KDM4C: variants seen among roughly 807,000 people sequenced by gnomAD.
KDM4C encodes the protein lysine-specific demethylase 4C.
KDM4C carries 81 observed loss-of-function variants against 129.3 expected under a neutral mutation model. The ratio of observed to expected loss-of-function variants is 0.63; its 90% CI spans 0.52 to 0.75. The LOEUF (loss-of-function observed/expected upper bound fraction) is 0.75. Ranked by LOEUF, KDM4C falls within the 30% of genes least tolerant of loss-of-function variation. The probability of loss-of-function intolerance (pLI) is 0.00; values close to 1 mark genes in which losing one functional copy is unlikely to be tolerated. For missense variants in KDM4C, 1,457 were observed against 1,304.0 expected (o/e 1.12, Z -1.81); for synonymous variants, 573 against 456.1 (o/e 1.26, Z -3.26).
chr9:6,840,706 A>G (rs1836762132), intron 4 of KDM4C, among the ~76,000 whole-genome samples: 2 of 152,138 alleles, frequency 1.3e-5, no homozygotes, highest in Admixed American at 1.3e-4. Context: ...CCTCTGTTCT[A>G]ATTTTCAAAT....
rs1259079112 is a variant in KDM4C at position 6,942,279 on chromosome 9, CAA to C, written c.922-38644_922-38643del. Reference sequence around the variant, plus strand: ...TATTTCTTTCTCATGTTCTAGCCCTCAAAGTGTGTGTGTGTGTGTGTGTGTGT... The same window carrying C: ...TATTTCTTTCTCATGTTCTAGCCCTCAGTGTGTGTGTGTGTGTGTGTGTGT... On this transcript the variant is annotated intron_variant, in intron 8 of 21. Transcript: ENST00000381309. 1.5e-4 allele frequency among the ~76,000 whole-genome samples: 12 copies of C among 77,906 alleles called. No homozygotes were observed. The East Asian group carries it at 4.9e-3, about 32-fold the overall frequency. The allele number at this position is 77,906 out of a possible 152,430, so 51.1% of individuals were successfully genotyped here.
rs1277790352 is a variant in KDM4C at position 7,110,421 on chromosome 9, T to G, written c.2610+6551T>G. Among the ~76,000 whole-genome samples, 4 of 152,330 alleles carry G rather than the reference T, an allele frequency of 2.6e-5. No individual in the cohort carries two copies. The East Asian group carries it at 7.7e-4, about 29-fold the overall frequency. On this transcript the variant is annotated intron_variant, in intron 18 of 21. Transcript: ENST00000381309. ...ATTCTCCTGGCTTTAATAAATTTATTTTTATATTGTTCTAACTTGAGGGCT... is the reference window on the plus strand; with the variant it reads ...ATTCTCCTGGCTTTAATAAATTTATGTTTATATTGTTCTAACTTGAGGGCT...
intron 1 of KDM4C, among the ~76,000 whole-genome samples, chr9:6,788,028 G>A (rs571098681): frequency 4.6e-5 from 7 of 152,268 alleles, no homozygotes; most frequent in Admixed American, 1.3e-4. Context: ...TGAAGAGTCC[G>A]ATAGTCTCTT....
rs547880600 is a variant in KDM4C, at chr9:6,851,960, C to T, written c.629+2260C>T. 4.7e-4 allele frequency among the ~76,000 whole-genome samples: 72 copies of T among 152,238 alleles called. 1 individual carries two copies. Among genetic ancestry groups the T allele is most frequent in the East Asian group, 2.7e-3 (14 of 5,186 alleles). The stretch of plus-strand genomic sequence containing the variant: ...TATTAAGTATACAGCCTCCATCAGA[C>T]GCATTAAGAGTAGATTTATACTGTC... On this transcript the variant is annotated intron_variant, in intron 5 of 21. Transcript: ENST00000381309.
intron 8 of KDM4C, among the ~76,000 whole-genome samples, chr9:6,960,856 A>T (rs1829916882): frequency 1.4e-5 from 1 of 72,856 alleles, no homozygotes; most frequent in South Asian, 1.1e-3. Context: ...ATCCCCTAGG[A>T]AGCAAAAATC....
chr9:6,898,689 A>G (rs183157727), intron 8 of KDM4C, among the ~76,000 whole-genome samples: 130 of 152,336 alleles, frequency 8.5e-4, no homozygotes, highest in Non-Finnish European at 1.4e-3. Context: ...GGTTTCAACT[A>G]TTAAATTGTC....
At chr9:6,934,210 G>A (rs1009880577) in intron 8 of KDM4C, among the ~76,000 whole-genome samples, 9 of 151,814 alleles carry the variant, frequency 5.9e-5, no homozygotes, top group Non-Finnish European at 1.0e-4. Flanking sequence ...GGCTGGGCGC[G>A]GGGTCTCACG....
At chr9:7,150,262 T>C (rs1408657824) in intron 19 of KDM4C, among the ~76,000 whole-genome samples, 1 of 152,230 alleles carries the variant, frequency 6.6e-6, no homozygotes, top group Non-Finnish European at 1.5e-5. Flanking sequence ...CCACAACTTG[T>C]CCTGAGAGAG....
chr9:7,168,175 C>T (rs1276849039), intron 20 of KDM4C, among the ~76,000 whole-genome samples: 3 of 151,692 alleles, frequency 2.0e-5, no homozygotes, highest in Admixed American at 1.3e-4. Context: ...GCAACAAGAG[C>T]GAAACTCCGT....
At chr9:7,150,403 A>G (rs892841726) in intron 19 of KDM4C, among the ~76,000 whole-genome samples, 6 of 152,216 alleles carry the variant, frequency 3.9e-5, no homozygotes, top group Non-Finnish European at 7.3e-5. Flanking sequence ...TCACAGACAC[A>G]GAGTTCCCAC....
At chr9:7,109,027 C>G (rs1205247643) in intron 18 of KDM4C, among the ~76,000 whole-genome samples, 1 of 152,196 alleles carries the variant, frequency 6.6e-6, no homozygotes, top group African/African-American at 2.4e-5. Flanking sequence ...CTGTAACATT[C>G]TCTTTTAATT....
At chr9:6,751,411 G>C (rs200879065) in intron 1 of KDM4C, among the ~76,000 whole-genome samples, 1 of 151,994 alleles carries the variant, frequency 6.6e-6, no homozygotes, top group Non-Finnish European at 1.5e-5. Context: ...GCACCACTGC[G>C]CTCCAGCCTG....
chr9:6,789,878 G>T (rs1056458258), intron 1 of KDM4C, among the ~76,000 whole-genome samples: 8 of 152,004 alleles, frequency 5.3e-5, no homozygotes. Context: ...TTTTTGTGCA[G>T]ATTATTTTCT....
intron 8 of KDM4C, among the ~76,000 whole-genome samples, chr9:6,923,008 A>G (rs979987106): frequency 1.3e-5 from 2 of 151,988 alleles, no homozygotes; most frequent in African/African-American, 4.8e-5. Context: ...AAATCCTCTC[A>G]TTTCTTGTTT....
At chr9:6,952,177 A>T (rs1182487939) in intron 8 of KDM4C, among the ~76,000 whole-genome samples, 1 of 152,110 alleles carries the variant, frequency 6.6e-6, no homozygotes, top group Non-Finnish European at 1.5e-5. Flanking sequence ...TATTTCTGAA[A>T]AGTTGATCTA....
chr9:6,765,114 T>C (rs1820358916), intron 1 of KDM4C, among the ~76,000 whole-genome samples: 1 of 152,212 alleles, frequency 6.6e-6, no homozygotes. Flanking sequence ...CAGCATGATC[T>C]TTAAGGCCTA....
At chr9:7,031,019 C>G (rs1826635703) in intron 15 of KDM4C, among the ~76,000 whole-genome samples, 1 of 151,974 alleles carries the variant, frequency 6.6e-6, no homozygotes, top group South Asian at 2.1e-4. Flanking sequence ...ATATAATAAA[C>G]ATAACATTCT....
chr9:7,150,973 A>G (rs764229091), intron 19 of KDM4C, among the ~76,000 whole-genome samples: 6 of 152,158 alleles, frequency 3.9e-5, no homozygotes, highest in Non-Finnish European at 8.8e-5. Context: ...TTAACCAAGC[A>G]TCGTGTCCAC....
chr9:6,980,636 T>G (rs142228707), intron 8 of KDM4C, among the ~76,000 whole-genome samples: 20 of 152,268 alleles, frequency 1.3e-4, no homozygotes, highest in African/African-American at 4.6e-4. Flanking sequence ...AATCTTTCCA[T>G]TGCAGGCGTG....
Sources: allele counts gnomAD v4.1 joint callset (sites outside exome capture counted in the v4.1 genomes callset), GRCh38; gene constraint gnomAD v4.1.1; transcripts MANE v1.5; gene names NCBI Gene and HGNC (gene_info 2026-07-23, HGNC 2026-07-21).